NFE2L1: variants seen among roughly 807,000 people sequenced by gnomAD.
NFE2L1 encodes endoplasmic reticulum membrane sensor NFE2L1.
NFE2L1 carries 18 observed loss-of-function variants against 61.6 expected under a neutral mutation model. That is an observed-to-expected ratio of 0.29 (90% CI 0.20 to 0.43). NFE2L1 has a LOEUF of 0.43. Among genes scored for constraint, NFE2L1 ranks in the 20% least tolerant of loss-of-function variants. The pLI is 1.00. For missense variants in NFE2L1, 827 were observed against 973.5 expected, an observed-to-expected ratio of 0.85 and a Z score of 2.00; for synonymous variants, 419 against 402.7, an observed-to-expected ratio of 1.04 and a Z score of -0.48.
At chr17:48,055,503 G>C (rs1354209360) in intron 2 of NFE2L1, among the ~76,000 whole-genome samples, 1 of 152,128 alleles carries the variant, frequency 6.6e-6, no homozygotes, top group Non-Finnish European at 1.5e-5. Context: ...CAAGGTGGCA[G>C]TTGTAGCTGA....
rs776015490 is a variant in NFE2L1 at position 48,054,236 on chromosome 17, G to A, written c.511-2150G>A. On this transcript the variant is annotated intron_variant, in intron 2 of 5. Transcript: ENST00000362042. ...GAGCAAGATGCGACAGGAGGGAGGA[G>A]AGTGGCACCCCTTCCCCCAGGGCTC... The A allele has an allele frequency of 5.2e-4, 80 of 153,532 alleles. 1 individual carries two copies. Among genetic ancestry groups the A allele is most frequent in the Non-Finnish European group, 9.7e-4 (67 of 68,968 alleles). 9.5% of individuals were successfully genotyped at this position (153,532 alleles called of 1,614,324 possible).
At chr17:48,055,190 G>T in intron 2 of NFE2L1, 1 of 1,308,628 alleles carries the variant, frequency 7.6e-7, no homozygotes, top group African/African-American at 1.6e-5. Flanking sequence ...ACGTCTGGGA[G>T]GTCTTAGGGT....
In NFE2L1 at chr17:48,059,147, A is replaced by T; in HGVS notation, c.1825A>T (p.Lys609Ter). ...GGAGAAGCAGGCTGACTTCCTGGAC[A>T]AGCAGATGAGCCGGGATGAGCACCG... Reference protein sequence around the residue: ...SKEKQADFLDKQMSRDEHRAR... With the variant: ...SKEKQADFLD The change falls in exon 6 of 6, where the codon AAG (lysine) becomes TAG (stop). Residue 609 changes from lysine (K) to a stop codon, truncating the protein, a stop_gained. Coordinates refer to ENST00000362042, the MANE Select transcript of NFE2L1 (RefSeq NM_003204.3). LOFTEE classifies it high-confidence loss of function. This position sits in a 1 kb window ranked among gnomAD's most constrained non-coding sequence, Gnocchi z 6.1. 1 of 1,614,084 alleles carries T rather than the reference A, an allele frequency of 6.2e-7. No homozygotes were observed.
In NFE2L1 at chr17:48,059,074, G is replaced by A; in HGVS notation, c.1752G>A (p.Leu584=). The change falls in exon 6 of 6, where the codon CTG becomes CTA. Residue 584 remains leucine (L), a synonymous_variant. Coordinates refer to ENST00000362042, the MANE Select transcript of NFE2L1 (RefSeq NM_003204.3). This position sits in a 1 kb window ranked among gnomAD's most constrained non-coding sequence, Gnocchi z 6.1. ...NHTYNMAPSA[L]DSADLPPPSA... ...CATACAACATGGCACCCAGTGCCCT[G>A]GACTCAGCCGACCTGCCACCACCCA... 6.2e-7 allele frequency: 1 copy of A among 1,614,030 alleles called. No individual in the cohort carries two copies. The highest frequency in any genetic ancestry group is 8.5e-7 in the Non-Finnish European group (1 of 1,180,020).
chr17:48,055,202 AG>A (rs143423898), intron 2 of NFE2L1: 150,477 of 1,288,900 alleles, frequency 0.12, 10,614 homozygotes, highest in African/African-American at 0.32. Flanking sequence ...TCTTAGGGTC[AG>A]GGGGGGTTAA....
At position 48,051,207 on chromosome 17, in the gene NFE2L1, C is replaced by T. The variant is rs754636483; in HGVS notation, c.89C>T (p.Thr30Ile). The change falls in exon 2 of 6, where the codon ACT becomes ATT. Residue 30 changes from threonine (T) to isoleucine (I), a missense_variant. Thr to Ile is a moderately conservative substitution (Grantham distance 89). Coordinates refer to ENST00000362042, the MANE Select transcript of NFE2L1 (RefSeq NM_003204.3). ...SLIGVRVDVD[T>I]YLTSQLPPLR... The stretch of plus-strand genomic sequence containing the variant: ...ATTGGGGTACGGGTGGACGTGGATA[C>T]TTACCTGACCTCACAGCTTCCCCCA... 4 of 1,614,110 alleles carry T rather than the reference C, an allele frequency of 2.5e-6. No individual in the cohort carries two copies. The highest frequency in any genetic ancestry group is 3.3e-4 in the Middle Eastern group (2 of 6,084).
Position 48,051,140 on chromosome 17 carries a change from T to G in NFE2L1, c.22T>G (p.Leu8Val). ...AGCAATGCTTTCTCTGAAGAAATAC[T>G]TAACGGAAGGACTTCTCCAGTTCAC... Reference protein sequence around the residue: MLSLKKYLTEGLLQFTIL... With the variant: MLSLKKYVTEGLLQFTIL... Residue 8 changes from leucine to valine, a missense_variant, in exon 2 of 6, where the codon TTA (leucine) becomes GTA (valine). By Grantham distance (32) the Leu-to-Val change is conservative. Transcript: ENST00000362042. 6.2e-7 allele frequency: 1 copy of G among 1,614,226 alleles called. No individual in the cohort carries two copies. Among genetic ancestry groups the G allele is most frequent in the South Asian group, 1.1e-5 (1 of 91,084 alleles).
intron 2 of NFE2L1, chr17:48,055,078 C>T (rs2037362144): frequency 2.7e-6 from 4 of 1,481,182 alleles, no homozygotes; most frequent in Non-Finnish European, 3.6e-6. Context: ...GCAGCCGGCC[C>T]CTTAACTCTT....
rs911251827 is a variant in NFE2L1 at position 48,056,418 on chromosome 17, G to C, written c.543G>C (p.Gln181His). ...ATCTGATTGACATCCTTTGGCGACA[G>C]GATATTGATCTGGGGGCTGGGCGTG... is the stretch of plus-strand genomic sequence containing the variant. ...DIDLIDILWR[Q>H]DIDLGAGREV... Residue 181 changes from glutamine (Q) to histidine (H), a missense_variant, in exon 3 of 6, where the codon CAG (glutamine) becomes CAC (histidine). Coordinates refer to ENST00000362042, the MANE Select transcript of NFE2L1 (RefSeq NM_003204.3). 6.2e-7 allele frequency: 1 copy of C among 1,614,208 alleles called. No homozygotes were observed. The highest frequency in any genetic ancestry group is 2.2e-5 in the East Asian group (1 of 44,890).
intron 2 of NFE2L1, 111 bp from the exon 3 acceptor site, chr17:48,056,275 A>C: frequency 1.7e-6 from 2 of 1,165,880 alleles, no homozygotes; most frequent in Non-Finnish European, 2.5e-6. Flanking sequence ...AAGAGCTGGG[A>C]GGGGCCCCAC....
rs1224508137 is a variant in NFE2L1, at chr17:48,061,220, C to T, written c.*1579C>T. The T allele has an allele frequency of 6.6e-6, 1 of 152,276 alleles. No homozygotes were observed. The highest frequency in any genetic ancestry group is 6.5e-5 in the Admixed American group (1 of 15,308). The allele number at this position is 152,276 out of a possible 1,614,324, so 9.4% of individuals were successfully genotyped here. A position where few individuals can be genotyped will look rare whatever the true frequency, so the allele number is the denominator to read the frequency against. ...TATTTTTAACTGTTTGCCACTGCTG[C>T]CCTCACCCCTGCCCGGCTCTGGAGT... On this transcript the variant is annotated 3_prime_UTR_variant, in exon 6 of 6. Transcript: ENST00000362042.
At position 48,059,450 on chromosome 17, in the gene NFE2L1, A is replaced by T. The variant is rs1277941971; in HGVS notation, c.2128A>T (p.Met710Leu). ...KVEFLRSLRQMKQKVQSLYQE... is the reference protein window; with the variant it reads ...KVEFLRSLRQLKQKVQSLYQE... The stretch of plus-strand genomic sequence containing the variant: ...GGAGTTCCTGCGCTCCCTGCGACAG[A>T]TGAAGCAGAAGGTCCAGAGCCTGTA... The change falls in exon 6 of 6, where the codon ATG (methionine) becomes TTG (leucine). Residue 710 changes from methionine to leucine, a missense_variant. Met to Leu is a conservative substitution (Grantham distance 15). This residue lies in a region of NFE2L1 where 86 missense variants were observed against 97.3 expected (regional missense o/e 0.88). Coordinates refer to ENST00000362042, the MANE Select transcript of NFE2L1 (RefSeq NM_003204.3). The surrounding 1 kb of genome is among the most constrained non-coding windows in gnomAD (Gnocchi z 6.1). 6.2e-7 allele frequency: 1 copy of T among 1,614,160 alleles called. No individual in the cohort carries two copies.
chr17:48,055,059 A>G, intron 2 of NFE2L1: 1 of 1,508,416 alleles, frequency 6.6e-7, no homozygotes, highest in South Asian at 1.2e-5. Context: ...GGTGGGGGCC[A>G]TGCCAAAGGC....
intron 3 of NFE2L1, 77 bp downstream of exon 3, chr17:48,056,675 A>G: frequency 6.5e-7 from 1 of 1,539,862 alleles, no homozygotes; most frequent in South Asian, 1.2e-5. Context: ...GTTCTTCCAG[A>G]AACTTCCTTT....
At chr17:48,056,173 GCT>G (rs1410977387) in intron 2 of NFE2L1, 4 of 637,778 alleles carry the variant, frequency 6.3e-6, no homozygotes, top group Non-Finnish European at 1.1e-5. Context: ...TTTGCTAGTG[GCT>G]CTTTTTTTTT....
Position 48,051,430 on chromosome 17 carries a change from G to C in NFE2L1, c.312G>C (p.Leu104=), listed in dbSNP as rs200078233. ...CAACCACTGAGGTAAATGCCTGGCTGGTTCACCGAGACCCAGAGGGGTCTG... is the reference window on the plus strand; with the variant it reads ...CAACCACTGAGGTAAATGCCTGGCTCGTTCACCGAGACCCAGAGGGGTCTG... The part of the protein sequence containing the change: ...QVPTTEVNAW[L]VHRDPEGSVS... The change falls in exon 2 of 6, where the codon CTG becomes CTC. Residue 104 remains leucine, a synonymous_variant. Coordinates refer to ENST00000362042, the MANE Select transcript of NFE2L1 (RefSeq NM_003204.3). 3.7e-6 allele frequency: 6 copies of C among 1,614,064 alleles called. No homozygotes were observed. Among genetic ancestry groups the C allele is most frequent in the Non-Finnish European group, 5.1e-6 (6 of 1,180,036 alleles).
At chr17:48,056,314 G>C in intron 2 of NFE2L1, 72 bp from the exon 3 acceptor site, 1 of 1,575,246 alleles carries the variant, frequency 6.3e-7, no homozygotes, top group Non-Finnish European at 8.7e-7. Flanking sequence ...ACACTAGGAG[G>C]GAACTCTGAG....
intron 1 of NFE2L1, 178 bp downstream of exon 1, chr17:48,048,640 G>C (rs1253787323): frequency 1.3e-5 from 2 of 152,652 alleles, no homozygotes; most frequent in Non-Finnish European, 2.9e-5. Context: ...GAGGAAAGCT[G>C]GCTCCGGGGT....
Position 48,059,020 on chromosome 17 carries a change from C to T in NFE2L1, c.1698C>T (p.Pro566=). 1.9e-6 allele frequency: 3 copies of T among 1,614,074 alleles called. No homozygotes were observed. Among genetic ancestry groups the T allele is most frequent in the Middle Eastern group, 1.6e-4 (1 of 6,062 alleles). The stretch of plus-strand genomic sequence containing the variant: ...ATCCAGCTCAGCTCTCATGCCTGCC[C>T]TACCTGGAGCACGTGGGCCACAACC... The part of the protein sequence containing the change: ...YQDPAQLSCL[P]YLEHVGHNHT... Residue 566 remains proline, a synonymous_variant, in exon 6 of 6, where the codon CCC becomes CCT. Transcript: ENST00000362042. The surrounding 1 kb of genome is among the most constrained non-coding windows in gnomAD (Gnocchi z 6.1).
Sources: gnomAD v4.1 joint callset for allele counts (sites outside exome capture counted in the v4.1 genomes callset) on GRCh38, gnomAD v4.1.1 for gene constraint, gnomAD v4.1.1 regional missense constraint, Gnocchi (gnomAD v3.1) non-coding constraint, MANE v1.5 for transcripts, NCBI Gene and HGNC (gene_info 2026-07-23, HGNC 2026-07-21) for gene names.